The following TTC23 variants were observed in gnomAD, a reference collection of about 807,000 sequenced individuals.
TTC23 encodes tetratricopeptide repeat protein 23.
In TTC23, 58 loss-of-function variants were observed where a neutral mutation model predicts 55.1. That is an observed-to-expected ratio of 1.05 (90% CI 0.85 to 1.31). The LOEUF (loss-of-function observed/expected upper bound fraction) is 1.31, where lower values mean the gene tolerates loss of function less well. Ranked by LOEUF, TTC23 falls within the 50% of genes most tolerant of loss-of-function variation. The pLI, the probability that TTC23 is intolerant of heterozygous loss-of-function variation, is 0.00. For synonymous variants in TTC23, 203 were observed against 199.9 expected, an observed-to-expected ratio of 1.02 and a Z score of -0.13; for missense variants, 516 against 534.4, an observed-to-expected ratio of 0.97 and a Z score of 0.34.
intron 9 of TTC23, among the ~76,000 whole-genome samples, chr15:99,182,445 C>A (rs2074246047): frequency 6.6e-6 from 1 of 152,136 alleles, no homozygotes; most frequent in Non-Finnish European, 1.5e-5. Context: ...TATGTTTCCT[C>A]TTCTGTAAAT....
At chr15:99,211,543 T>C (rs2077041189) in intron 8 of TTC23, among the ~76,000 whole-genome samples, 1 of 152,116 alleles carries the variant, frequency 6.6e-6, no homozygotes, top group African/African-American at 2.4e-5. Flanking sequence ...AAAACCTTAA[T>C]ATGTGATATA....
intron 10 of TTC23, among the ~76,000 whole-genome samples, chr15:99,164,572 G>C (rs1030624524): frequency 6.6e-6 from 1 of 152,156 alleles, no homozygotes; most frequent in African/African-American, 2.4e-5. Context: ...ATTTATTATG[G>C]AGCACTGTAC....
At chr15:99,250,605 C>T (rs867968279), upstream of TTC23, among the ~76,000 whole-genome samples, 8 of 152,186 alleles carry the variant, frequency 5.3e-5, no homozygotes, top group African/African-American at 1.9e-4. Flanking sequence ...TGTTTCCGAA[C>T]TATGCTTCCA....
At chr15:99,138,898 CT>C (rs2067872650) in intron 13 of TTC23, among the ~76,000 whole-genome samples, 1 of 152,236 alleles carries the variant, frequency 6.6e-6, no homozygotes, top group African/African-American at 2.4e-5. Context: ...CGCTGGGCCT[CT>C]GCTCGGGCTG....
At chr15:99,140,996 T>C (rs2068167675) in intron 12 of TTC23, 1 of 152,196 alleles carries the variant, frequency 6.6e-6, no homozygotes, top group Non-Finnish European at 1.5e-5. Context: ...TAAACATGCT[T>C]AATCTCATTA....
intron 13 of TTC23, chr15:99,139,100 A>G (rs1308632264): frequency 2.1e-5 from 14 of 666,698 alleles, no homozygotes; most frequent in Middle Eastern, 3.4e-4. Context: ...CATCCAGCAT[A>G]TATTTCTGAC....
At chr15:99,240,154 A>G (rs2152092619) in intron 3 of TTC23, among the ~76,000 whole-genome samples, 1 of 152,338 alleles carries the variant, frequency 6.6e-6, no homozygotes, top group Non-Finnish European at 1.5e-5. Flanking sequence ...ATATTTTCTT[A>G]TCTTCCATTT....
intron 8 of TTC23, among the ~76,000 whole-genome samples, chr15:99,203,921 G>C (rs113608532): frequency 6.6e-6 from 1 of 152,136 alleles, no homozygotes; most frequent in Admixed American, 6.6e-5. Context: ...TTGAGTCCTA[G>C]GTTGGCCATT....
chr15:99,238,385 A>G (rs1416750653), intron 3 of TTC23, among the ~76,000 whole-genome samples: 1 of 152,188 alleles, frequency 6.6e-6, no homozygotes, highest in Non-Finnish European at 1.5e-5. Flanking sequence ...ATGGAGCAGG[A>G]AAAAAGATCA....
At chr15:99,241,038 A>C (rs1434667924) in intron 3 of TTC23, among the ~76,000 whole-genome samples, 1 of 152,174 alleles carries the variant, frequency 6.6e-6, no homozygotes, top group African/African-American at 2.4e-5. Context: ...CTTCTCAGGC[A>C]GGGCGCGGGG....
intron 3 of TTC23, among the ~76,000 whole-genome samples, chr15:99,239,355 T>A (rs537287136): frequency 6.6e-6 from 1 of 151,978 alleles, no homozygotes; most frequent in Non-Finnish European, 1.5e-5. Flanking sequence ...TGTGGTGGCA[T>A]GTGCCTGTAG....
intron 12 of TTC23, among the ~76,000 whole-genome samples, chr15:99,152,213 G>A (rs1268683896): frequency 6.6e-6 from 1 of 152,092 alleles, no homozygotes; most frequent in Non-Finnish European, 1.5e-5. Context: ...CCCATGCGAC[G>A]TGCCTTCTCC....
At chr15:99,198,260 T>G (rs554244787) in intron 9 of TTC23, among the ~76,000 whole-genome samples, 1 of 152,278 alleles carries the variant, frequency 6.6e-6, no homozygotes, top group Admixed American at 6.5e-5. Context: ...TTGCCATCTC[T>G]CCATCACCCA....
At chr15:99,139,465 T>G in intron 12 of TTC23, 66 bp from the exon 13 acceptor site, 1 of 1,606,040 alleles carries the variant, frequency 6.2e-7, no homozygotes, top group Non-Finnish European at 8.5e-7. Flanking sequence ...AACTAAGGTC[T>G]CCCTTGAATG....
Position 99,200,024 on chromosome 15 carries a change from G to T in TTC23, c.654C>A (p.Ile218=). The change falls in exon 9 of 14, where the codon ATC becomes ATA. Residue 218 remains isoleucine (I), a synonymous_variant. Transcript: ENST00000394132. ...HYQAALEYVE[I]SKGETSRECV... ...ACTCACGACTTGTTTCACCTTTACT[G>T]ATCTCAACATATTCCAAAGCTGCTT... 1.9e-6 allele frequency: 3 copies of T among 1,613,950 alleles called. No homozygotes were observed. Among genetic ancestry groups the T allele is most frequent in the Non-Finnish European group, 2.5e-6 (3 of 1,179,952 alleles).
At chr15:99,195,852 T>C (rs922351934) in intron 9 of TTC23, among the ~76,000 whole-genome samples, 2 of 141,212 alleles carry the variant, frequency 1.4e-5, no homozygotes, top group African/African-American at 5.5e-5. Context: ...AATTTTGCTG[T>C]GAACCTAAAA....
rs112221342 is a variant in TTC23 at position 99,137,851 on chromosome 15, G to C, written c.*159C>G. 4.8e-5 allele frequency: 56 copies of C among 1,172,708 alleles called. No homozygotes were observed. The Admixed American group carries it at 6.2e-4, about 13-fold the overall frequency. The allele number at this position is 1,172,708 out of a possible 1,614,324, so 72.6% of individuals were successfully genotyped here. ...CATCCACTGTCAAAATGTGGCCCACGGGAGGCTTATGGTCTCACTGTTGCA... is the reference window on the plus strand; with the variant it reads ...CATCCACTGTCAAAATGTGGCCCACCGGAGGCTTATGGTCTCACTGTTGCA... On this transcript the variant is annotated 3_prime_UTR_variant, in exon 14 of 14. Coordinates refer to ENST00000394132, the MANE Select transcript of TTC23 (RefSeq NM_001288615.3).
chr15:99,199,077 T>G (rs1385978583), intron 9 of TTC23, among the ~76,000 whole-genome samples: 1 of 152,160 alleles, frequency 6.6e-6, no homozygotes, highest in Non-Finnish European at 1.5e-5. Flanking sequence ...GTAGATGTGA[T>G]TAATATTCAC....
chr15:99,170,193 C>T (rs1289933755), intron 10 of TTC23, among the ~76,000 whole-genome samples: 2 of 152,074 alleles, frequency 1.3e-5, no homozygotes, highest in African/African-American at 2.4e-5. Context: ...CACAAGCCTT[C>T]GTGACTTCTT....
Sources: gnomAD v4.1 joint callset for allele counts (sites outside exome capture counted in the v4.1 genomes callset) on GRCh38, gnomAD v4.1.1 for gene constraint, MANE v1.5 for transcripts, NCBI Gene and HGNC (gene_info 2026-07-23, HGNC 2026-07-21) for gene names.